GPC5: variants seen among roughly 807,000 people sequenced by gnomAD.
GPC5 encodes glypican-5.
GPC5 carries 47 observed loss-of-function variants against 53.9 expected under a neutral mutation model. The ratio of observed to expected loss-of-function variants is 0.87; its 90% CI spans 0.69 to 1.11. GPC5 has a LOEUF of 1.11. Among genes scored for constraint, GPC5 ranks in the 50% most tolerant of loss-of-function variants. The pLI is 0.00. For missense variants in GPC5, 748 were observed against 713.1 expected, an observed-to-expected ratio of 1.05 and a Z score of -0.56; for synonymous variants, 286 against 263.3, an observed-to-expected ratio of 1.09 and a Z score of -0.84.
intron 7 of GPC5, among the ~76,000 whole-genome samples, chr13:92,392,821 G>T (rs557435630): frequency 1.3e-5 from 2 of 152,110 alleles, no homozygotes; most frequent in Non-Finnish European, 2.9e-5. Context: ...CTGATCATTG[G>T]AGAAATGCAA....
At chr13:92,512,118 G>C (rs537339458) in intron 7 of GPC5, among the ~76,000 whole-genome samples, 1 of 152,150 alleles carries the variant, frequency 6.6e-6, no homozygotes, top group Non-Finnish European at 1.5e-5. Flanking sequence ...ATGAGATATT[G>C]ATGATTTTTG....
At chr13:91,407,288 A>C in intron 1 of GPC5, among the ~76,000 whole-genome samples, 1 of 152,224 alleles carries the variant, frequency 6.6e-6, no homozygotes, top group Non-Finnish European at 1.5e-5. Flanking sequence ...CAAACCTTTT[A>C]AATTTAAAGG....
intron 1 of GPC5, among the ~76,000 whole-genome samples, chr13:91,410,693 T>G (rs1327682284): frequency 6.6e-6 from 1 of 152,182 alleles, no homozygotes; most frequent in East Asian, 1.9e-4. Flanking sequence ...TTGCCTCCCC[T>G]CACTCCCTCT....
intron 7 of GPC5, among the ~76,000 whole-genome samples, chr13:92,771,250 C>T (rs1034234449): frequency 3.9e-5 from 6 of 152,106 alleles, no homozygotes; most frequent in African/African-American, 1.4e-4. Context: ...TCTAGGCTCA[C>T]CACTTCGCTT....
intron 7 of GPC5, among the ~76,000 whole-genome samples, chr13:92,481,172 C>T (rs1879340151): frequency 6.6e-6 from 1 of 151,790 alleles, no homozygotes; most frequent in Non-Finnish European, 1.5e-5. Flanking sequence ...GTGATCTCTG[C>T]TTACTGCAAG....
intron 7 of GPC5, among the ~76,000 whole-genome samples, chr13:92,635,663 A>G (rs1268713462): frequency 6.6e-6 from 1 of 152,218 alleles, no homozygotes; most frequent in African/African-American, 2.4e-5. Flanking sequence ...AGAAAAATTC[A>G]CACTATAACC....
intron 6 of GPC5, among the ~76,000 whole-genome samples, chr13:91,987,859 A>C (rs922353224): frequency 4.1e-5 from 6 of 145,448 alleles, no homozygotes; most frequent in African/African-American, 1.5e-4. Context: ...AATTATATAT[A>C]TTATTTTATA....
chr13:92,786,885 C>T (rs1390560313), intron 7 of GPC5, among the ~76,000 whole-genome samples: 1 of 152,122 alleles, frequency 6.6e-6, no homozygotes, highest in African/African-American at 2.4e-5. Context: ...GCCAGATACA[C>T]CGCATTCCAG....
At chr13:92,379,896 C>T (rs1162414995) in intron 7 of GPC5, among the ~76,000 whole-genome samples, 1 of 152,130 alleles carries the variant, frequency 6.6e-6, no homozygotes, top group Non-Finnish European at 1.5e-5. Flanking sequence ...TTTGGCAGCC[C>T]GTCACCTGAT....
intron 7 of GPC5, among the ~76,000 whole-genome samples, chr13:92,827,044 T>G (rs1877873282): frequency 6.6e-6 from 1 of 152,136 alleles, no homozygotes; most frequent in Non-Finnish European, 1.5e-5. Context: ...TCTTTAATAT[T>G]TTTCTTAAAA....
chr13:92,568,322 T>G (rs1882921758), intron 7 of GPC5, among the ~76,000 whole-genome samples: 1 of 152,192 alleles, frequency 6.6e-6, no homozygotes, highest in South Asian at 2.1e-4. Flanking sequence ...TGCTAGACAG[T>G]TCACCATACT....
chr13:91,884,598 G>A (rs1264955248), intron 5 of GPC5, among the ~76,000 whole-genome samples: 1 of 152,180 alleles, frequency 6.6e-6, no homozygotes, highest in Non-Finnish European at 1.5e-5. Context: ...AAGCAGAGAA[G>A]TGATATGATC....
chr13:91,437,124 G>T (rs1880041957), intron 1 of GPC5, among the ~76,000 whole-genome samples: 1 of 152,086 alleles, frequency 6.6e-6, no homozygotes. Flanking sequence ...ACACTGATGG[G>T]TCTTGACTCT....
chr13:92,424,880 C>T (rs1054096937), intron 7 of GPC5, among the ~76,000 whole-genome samples: 3 of 151,936 alleles, frequency 2.0e-5, no homozygotes, highest in Admixed American at 6.6e-5. Context: ...ATTCCAGACA[C>T]GTGAACTAGG....
intron 7 of GPC5, among the ~76,000 whole-genome samples, chr13:92,617,591 A>C (rs1457239363): frequency 6.6e-6 from 1 of 152,168 alleles, no homozygotes; most frequent in Non-Finnish European, 1.5e-5. Context: ...ATTCTCACAA[A>C]AGATTCATTT....
intron 5 of GPC5, among the ~76,000 whole-genome samples, chr13:91,831,021 C>T (rs1445739715): frequency 3.0e-5 from 4 of 132,776 alleles, no homozygotes; most frequent in Non-Finnish European, 6.2e-5. Context: ...ATATATATAA[C>T]ATATATATCC....
chr13:92,246,035 A>G (rs2042648140), intron 7 of GPC5, among the ~76,000 whole-genome samples: 1 of 151,022 alleles, frequency 6.6e-6, no homozygotes, highest in Admixed American at 6.6e-5. Flanking sequence ...CATCATTAAA[A>G]AAATCATCGT....
intron 6 of GPC5, among the ~76,000 whole-genome samples, chr13:92,035,093 T>C (rs1242385294): frequency 6.6e-6 from 1 of 152,094 alleles, no homozygotes; most frequent in Non-Finnish European, 1.5e-5. Context: ...CAGGCGCCTG[T>C]TGTCCCAGCT....
intron 7 of GPC5, among the ~76,000 whole-genome samples, chr13:92,258,850 G>A (rs966340848): frequency 1.3e-5 from 2 of 152,166 alleles, no homozygotes; most frequent in Admixed American, 1.3e-4. Context: ...GGCTTAGGCA[G>A]GAGGACTGCT....
Sources: gnomAD v4.1 joint callset for allele counts (sites outside exome capture counted in the v4.1 genomes callset) on GRCh38, gnomAD v4.1.1 for gene constraint, MANE v1.5 for transcripts, NCBI Gene and HGNC (gene_info 2026-07-23, HGNC 2026-07-21) for gene names.